The following CATSPERE variants were observed in gnomAD, a reference collection of about 807,000 sequenced individuals.
The protein encoded by CATSPERE is cation channel sperm-associated auxiliary subunit epsilon.
In CATSPERE, 93 loss-of-function variants were observed where a neutral mutation model predicts 114.1. The observed-to-expected ratio is 0.81, with a 90% CI of 0.69 to 0.97. CATSPERE has a LOEUF of 0.97. CATSPERE is among the 50% of genes least tolerant of loss of function. The pLI is 0.00. For synonymous variants in CATSPERE, 341 were observed against 384.1 expected, an observed-to-expected ratio of 0.89 and a Z score of 1.31; for missense variants, 1,058 against 1,131.6, an observed-to-expected ratio of 0.93 and a Z score of 0.93.
rs1043037504 is a variant in CATSPERE at position 244,575,833 on chromosome 1, T to C, written c.1950+3061T>C. Among the ~76,000 whole-genome samples, 1 of 151,986 alleles carries C rather than the reference T, an allele frequency of 6.6e-6. No homozygotes were observed. The highest frequency in any genetic ancestry group is 1.5e-5 in the Non-Finnish European group (1 of 67,994). On this transcript the variant is annotated intron_variant, in intron 11 of 21. Coordinates refer to ENST00000366534, the MANE Select transcript of CATSPERE (RefSeq NM_001130957.2). The surrounding 1 kb of genome is among the most constrained non-coding windows in gnomAD (Gnocchi z 4.5). The stretch of plus-strand genomic sequence containing the variant: ...AGAGAGGAAAGGGAAGTTTTGAATA[T>C]TTTTCCTATTGCTGGAGGATTGTGT...
At chr1:244,522,398 G>T (rs1015151071) in intron 8 of CATSPERE, among the ~76,000 whole-genome samples, 1 of 152,062 alleles carries the variant, frequency 6.6e-6, no homozygotes, top group African/African-American at 2.4e-5. Context: ...ATCCAAAATT[G>T]ACACCCTAAC....
intron 6 of CATSPERE, among the ~76,000 whole-genome samples, chr1:244,491,999 C>G (rs1435583003): frequency 2.6e-5 from 4 of 152,220 alleles, no homozygotes; most frequent in Non-Finnish European, 4.4e-5. Context: ...ATTCACAGCC[C>G]AATTCTACCT....
At chr1:244,637,320 G>A (rs769049417) in intron 21 of CATSPERE, among the ~76,000 whole-genome samples, 2 of 152,056 alleles carry the variant, frequency 1.3e-5, no homozygotes, top group Non-Finnish European at 1.5e-5. Context: ...CACTCACACT[G>A]TTTTCCTCTC....
chr1:244,541,155 T>A (rs1046556837), intron 8 of CATSPERE, among the ~76,000 whole-genome samples: 1 of 148,008 alleles, frequency 6.8e-6, no homozygotes, highest in African/African-American at 2.5e-5. Context: ...AATTGACAAA[T>A]GGGATGTAAT....
chr1:244,543,912 A>T (rs1429643011), intron 8 of CATSPERE, among the ~76,000 whole-genome samples: 2 of 152,142 alleles, frequency 1.3e-5, no homozygotes, highest in Non-Finnish European at 2.9e-5. Flanking sequence ...ACACCTTGTC[A>T]TGGCTCCTCT....
rs556874656 is a variant in CATSPERE, at chr1:244,602,184, T to C, written c.2304-3511T>C. 3.6e-4 allele frequency among the ~76,000 whole-genome samples: 55 copies of C among 152,322 alleles called. 1 individual carries two copies. The South Asian group carries it at 7.3e-3, about 20-fold the overall frequency. On this transcript the variant is annotated intron_variant, in intron 17 of 21. Transcript: ENST00000366534. The stretch of plus-strand genomic sequence containing the variant: ...TAACTTATTTGTCTGCTACTAGGAA[T>C]CACTTGATAAAACCTTTTACTTCCA...
intron 20 of CATSPERE, among the ~76,000 whole-genome samples, chr1:244,623,114 C>T (rs1672620933): frequency 7.6e-6 from 1 of 131,918 alleles, no homozygotes. Flanking sequence ...GCTCTGTTGC[C>T]CGGACTGAAG....
chr1:244,616,972 G>A lies in CATSPERE; in HGVS notation c.2491-557G>A, dbSNP rs543046821. On this transcript the variant is annotated intron_variant, in intron 19 of 21. Coordinates refer to ENST00000366534, the MANE Select transcript of CATSPERE (RefSeq NM_001130957.2). ...CCAGAACCAGTGCCATGTAATAGTAGGATCAGGTATCTGCCAGTTTTAATA... is the reference window on the plus strand; with the variant it reads ...CCAGAACCAGTGCCATGTAATAGTAAGATCAGGTATCTGCCAGTTTTAATA... Among the ~76,000 whole-genome samples, 3 of 152,320 alleles carry A rather than the reference G, an allele frequency of 2.0e-5. No individual in the cohort carries two copies. The South Asian group carries it at 6.2e-4, about 32-fold the overall frequency.
intron 6 of CATSPERE, among the ~76,000 whole-genome samples, chr1:244,495,225 A>C (rs2148255456): frequency 6.6e-6 from 1 of 152,316 alleles, no homozygotes; most frequent in Non-Finnish European, 1.5e-5. Context: ...GCAAGATTGA[A>C]TTAGAACAGA....
chr1:244,580,574 A>G (rs1666017818), intron 11 of CATSPERE, among the ~76,000 whole-genome samples: 1 of 152,184 alleles, frequency 6.6e-6, no homozygotes, highest in African/African-American at 2.4e-5. Flanking sequence ...ATTGTAAACC[A>G]AACACCCACG....
chr1:244,629,357 C>T (rs56176144), intron 20 of CATSPERE, among the ~76,000 whole-genome samples: 15,204 of 152,150 alleles, frequency 0.1, 854 homozygotes, highest in South Asian at 0.13. Context: ...AAATTATGTG[C>T]GGTACATGTT....
chr1:244,581,746 C>T, intron 11 of CATSPERE, 50 bp from the exon 12 acceptor site: 1 of 828,374 alleles, frequency 1.2e-6, no homozygotes. Flanking sequence ...AGTGGGATCA[C>T]CACCCCCAAT....
intron 8 of CATSPERE, among the ~76,000 whole-genome samples, chr1:244,522,236 C>T (rs1677694719): frequency 1.3e-5 from 2 of 152,248 alleles, no homozygotes; most frequent in South Asian, 4.1e-4. Context: ...TGAATGACTA[C>T]TGGGTACATA....
rs144891543 is a variant in CATSPERE at position 244,576,046 on chromosome 1, T to G, written c.1950+3274T>G. Among the ~76,000 whole-genome samples, 343 of 152,290 alleles carry G rather than the reference T, an allele frequency of 2.3e-3. 2 individuals are homozygous for G. The highest frequency in any genetic ancestry group is 7.9e-3 in the African/African-American group (328 of 41,562). ...GGAATGTTTTACCACCCTGCGGCTT[T>G]CTTTCCTTAGTCCTGACCACCAAGG... On this transcript the variant is annotated intron_variant, in intron 11 of 21. Coordinates refer to ENST00000366534, the MANE Select transcript of CATSPERE (RefSeq NM_001130957.2).
intron 7 of CATSPERE, among the ~76,000 whole-genome samples, chr1:244,500,846 A>G (rs1673928833): frequency 6.6e-6 from 1 of 152,166 alleles, no homozygotes; most frequent in Non-Finnish European, 1.5e-5. Context: ...TTGGTTCCAT[A>G]TGAAATTTAA....
intron 21 of CATSPERE, among the ~76,000 whole-genome samples, chr1:244,637,206 G>A (rs1357515925): frequency 6.6e-6 from 1 of 152,018 alleles, no homozygotes; most frequent in Admixed American, 6.6e-5. Context: ...AAACCTACCC[G>A]ATCCTTTGAG....
intron 10 of CATSPERE, among the ~76,000 whole-genome samples, chr1:244,569,229 G>A (rs1572802945): frequency 1.3e-5 from 2 of 152,164 alleles, no homozygotes; most frequent in East Asian, 3.9e-4. Flanking sequence ...GTGAGACGAC[G>A]CCCCACCCTG....
At chr1:244,553,505 C>T (rs532258811) in intron 9 of CATSPERE, among the ~76,000 whole-genome samples, 5 of 148,254 alleles carry the variant, frequency 3.4e-5, no homozygotes, top group South Asian at 4.3e-4. Flanking sequence ...GGCGTGAACC[C>T]GGGAGGCGGA....
chr1:244,535,127 C>CTG (rs1417994667), intron 8 of CATSPERE, among the ~76,000 whole-genome samples: 6 of 152,198 alleles, frequency 3.9e-5, no homozygotes, highest in African/African-American at 4.8e-5. Context: ...CTCTCTCTCT[C>CTG]TCAGTGCTGA....
Sources: allele counts gnomAD v4.1 joint callset (sites outside exome capture counted in the v4.1 genomes callset), GRCh38; gene constraint gnomAD v4.1.1; non-coding constraint Gnocchi (gnomAD v3.1); transcripts MANE v1.5; gene names NCBI Gene and HGNC (gene_info 2026-07-23, HGNC 2026-07-21).